The following PJVK variants were observed in gnomAD, a reference collection of about 807,000 sequenced individuals.
PJVK encodes pejvakin, also known as autosomal recessive deafness type 59 protein.
In PJVK, 33 loss-of-function variants were observed where a neutral mutation model predicts 37.6. The ratio of observed to expected loss-of-function variants is 0.88; its 90% CI spans 0.67 to 1.17. The LOEUF (loss-of-function observed/expected upper bound fraction) is 1.17, where lower values mean the gene tolerates loss of function less well. Among genes scored for constraint, PJVK ranks in the 50% most tolerant of loss-of-function variants. PJVK has a pLI of 0.00. For missense variants in PJVK, 410 were observed against 413.8 expected (o/e 0.99, Z 0.08); for synonymous variants, 141 against 143.5 (o/e 0.98, Z 0.13).
Position 178,456,108 on chromosome 2 carries a change from G to A in PJVK, c.506G>A (p.Cys169Tyr). 2 of 1,614,124 alleles carry A rather than the reference G, an allele frequency of 1.2e-6. No homozygotes were observed. The highest frequency in any genetic ancestry group is 2.2e-5 in the East Asian group (1 of 44,876). The change falls in exon 4 of 7, where the codon TGC becomes TAC. Residue 169 changes from cysteine to tyrosine, a missense_variant. Physicochemically the swap from Cys to Tyr is radical, Grantham distance 194 (BLOSUM62 -2). Transcript: ENST00000644580. ...VMESIRTTRQ[C>Y]SLSVHAGIRG... ...GAGAGCATCCGAACCACACGACAGT[G>A]CTCACTGTCTGTGCATGCTGGAATT...
At position 178,453,479 on chromosome 2, in the gene PJVK, A is replaced by G; in HGVS notation, c.70A>G (p.Ser24Gly). Residue 24 changes from serine to glycine, a missense_variant, in exon 2 of 7, where the codon AGC (serine) becomes GGC (glycine). By Grantham distance (56) the Ser-to-Gly change is moderately conservative. Transcript: ENST00000644580. ...GDGGRLVPVP[S>G]LSEADKYQPL... Reference sequence around the variant, plus strand: ...TGGAGGGAGATTAGTTCCTGTTCCAAGCCTCAGTGAAGCTGACAAATATCA... The same window carrying G: ...TGGAGGGAGATTAGTTCCTGTTCCAGGCCTCAGTGAAGCTGACAAATATCA... 6.2e-7 allele frequency: 1 copy of G among 1,614,178 alleles called. No individual in the cohort carries two copies. The highest frequency in any genetic ancestry group is 1.7e-5 in the Admixed American group (1 of 60,030).
Position 178,451,785 on chromosome 2 carries a change from C to G in PJVK, c.-23+16C>G. 1 of 985,416 alleles carries G rather than the reference C, an allele frequency of 1.0e-6. No individual in the cohort carries two copies. The allele number at this position is 985,416 out of a possible 1,614,324, so 61.0% of individuals were successfully genotyped here. A position where few individuals can be genotyped will look rare whatever the true frequency, so the allele number is the denominator to read the frequency against. On this transcript the variant is annotated intron_variant, in intron 1 of 6. Transcript: ENST00000644580. ...GGAACGCTGGGTCAGTGCATCCCAG[C>G]AAAACACGTTAGGAGTAAACGAAGG... is the stretch of plus-strand genomic sequence containing the variant.
chr2:178,461,584 C>CTTTTTTTTTT lies in PJVK; in HGVS notation c.*319_*328dup, dbSNP rs536141412. On this transcript the variant is annotated 3_prime_UTR_variant, in exon 7 of 7. Coordinates refer to ENST00000644580, the MANE Select transcript of PJVK (RefSeq NM_001042702.5). ...GATGTAGTCTATCATTTTAGTTCAC[C>CTTTTTTTTTT]TTTTTTTTTTTTTTTTTTGAGACAG... is the stretch of plus-strand genomic sequence containing the variant. 3.3e-5 allele frequency among the ~76,000 whole-genome samples: 4 copies of CTTTTTTTTTT among 122,800 alleles called. 1 individual carries two copies. The highest frequency in any genetic ancestry group is 5.5e-4 in the East Asian group (2 of 3,656). 80.6% of individuals were successfully genotyped at this position (122,800 alleles called of 152,430 possible). A position where few individuals can be genotyped will look rare whatever the true frequency, so the allele number is the denominator to read the frequency against.
At chr2:178,454,922 A>G (rs1559367447) in intron 3 of PJVK, 1 of 902,232 alleles carries the variant, frequency 1.1e-6, no homozygotes, top group East Asian at 2.4e-5. Context: ...AGCCCAACCT[A>G]GGCAACAGGG....
intron 3 of PJVK, chr2:178,454,869 G>A (rs994696620): frequency 4.0e-6 from 4 of 1,001,748 alleles, no homozygotes; most frequent in Non-Finnish European, 6.4e-6. Flanking sequence ...GAAGACTGAG[G>A]AAGATGAGGA....
At chr2:178,451,809 G>C in intron 1 of PJVK, 40 bp downstream of exon 1, 1 of 985,442 alleles carries the variant, frequency 1.0e-6, no homozygotes, top group Non-Finnish European at 1.2e-6. Flanking sequence ...AGTAAACGAA[G>C]GCCTTTCCGG....
chr2:178,457,333 C>A (rs1006609371), intron 4 of PJVK, among the ~76,000 whole-genome samples: 10 of 152,226 alleles, frequency 6.6e-5, no homozygotes, highest in African/African-American at 2.4e-4. Flanking sequence ...AAAATATTAG[C>A]GGCAAGGTGC....
chr2:178,457,584 T>TGGTCCCTCCCACC (rs113195419), intron 4 of PJVK, among the ~76,000 whole-genome samples: 54,654 of 152,104 alleles, frequency 0.36, 11,159 homozygotes, highest in East Asian at 0.65. Flanking sequence ...TGAAAAGCCG[T>TGGTCCCTCCCACC]GCTTTTGTGC....
chr2:178,453,978 A>G (rs560252723), intron 2 of PJVK: 31 of 315,104 alleles, frequency 9.8e-5, no homozygotes, highest in African/African-American at 5.3e-4. Flanking sequence ...TTACAATTCA[A>G]TTATTACAAT....
Position 178,454,525 on chromosome 2 carries a change from A to C in PJVK, c.405A>C (p.Thr135=), listed in dbSNP as rs373800401. 195 of 1,612,778 alleles carry C rather than the reference A, an allele frequency of 1.2e-4. No individual in the cohort carries two copies. The highest frequency in any genetic ancestry group is 1.6e-4 in the Non-Finnish European group (184 of 1,179,422). ...EVSTLLKEIT[T]RKINFDHSLI... ...CAACATTACTCAAAGAAATTACTAC[A>C]CGGTCAGTATAATAATCCTAATATA... The change falls in exon 3 of 7, where the codon ACA becomes ACC. Residue 135 remains threonine (T), a splice_region_variant and synonymous_variant. Transcript: ENST00000644580.
In PJVK at chr2:178,454,318, T is replaced by G. The variant is rs1307206051; in HGVS notation, c.212-14T>G. On this transcript the variant is annotated splice_polypyrimidine_tract_variant and intron_variant, in intron 2 of 6. Transcript: ENST00000644580. ...TAAAGATGTTTAAAAAATACTGAGT[T>G]TCTTCTTATAAAGGTATTTCATCTT... 1 of 1,601,904 alleles carries G rather than the reference T, an allele frequency of 6.2e-7. No individual in the cohort carries two copies. The highest frequency in any genetic ancestry group is 1.3e-5 in the African/African-American group (1 of 74,654).
chr2:178,453,208 C>T (rs1359105182), intron 1 of PJVK, 180 bp from the exon 2 acceptor site: 5 of 564,746 alleles, frequency 8.9e-6, no homozygotes, highest in African/African-American at 3.8e-5. Context: ...CATTTTACAC[C>T]GTTGATCTAT....
rs367688416 is a variant in PJVK, at chr2:178,454,526, C to T, written c.406C>T (p.Arg136Ter). The change falls in exon 3 of 7, where the codon CGA (arginine) becomes TGA (stop). Residue 136 changes from arginine to a stop codon, truncating the protein, a stop_gained and splice_region_variant. Coordinates refer to ENST00000644580, the MANE Select transcript of PJVK (RefSeq NM_001042702.5). LOFTEE classifies it high-confidence loss of function. ...AACATTACTCAAAGAAATTACTACA[C>T]GGTCAGTATAATAATCCTAATATAT... ...VSTLLKEITT[R>*]KINFDHSLIR... The T allele has an allele frequency of 1.3e-5, 21 of 1,612,334 alleles. No individual in the cohort carries two copies. The highest frequency in any genetic ancestry group is 2.7e-5 in the African/African-American group (2 of 74,832).
chr2:178,454,964 C>T lies in PJVK; in HGVS notation c.407+437C>T. On this transcript the variant is annotated intron_variant, in intron 3 of 6. Coordinates refer to ENST00000644580, the MANE Select transcript of PJVK (RefSeq NM_001042702.5). Reference sequence around the variant, plus strand: ...TGCCTGATTACCGCTGGACCAAGACCCTGTCGGAGCTGGACCTGGCGGTCC... The same window carrying T: ...TGCCTGATTACCGCTGGACCAAGACTCTGTCGGAGCTGGACCTGGCGGTCC... The T allele has an allele frequency of 8.6e-6, 8 of 931,596 alleles. No homozygotes were observed. The South Asian group carries it at 1.0e-4, about 12-fold the overall frequency. 57.7% of individuals were successfully genotyped at this position (931,596 alleles called of 1,614,324 possible).
Position 178,453,465 on chromosome 2 carries a change from T to C in PJVK, c.56T>C (p.Leu19Ser). 3 of 1,614,166 alleles carry C rather than the reference T, an allele frequency of 1.9e-6. No homozygotes were observed. Among genetic ancestry groups the C allele is most frequent in the Non-Finnish European group, 2.5e-6 (3 of 1,180,012 alleles). The change falls in exon 2 of 7, where the codon TTA (leucine) becomes TCA (serine). Residue 19 changes from leucine (L) to serine (S), a missense_variant. Transcript: ENST00000644580. ...FVKQVGDGGR[L>S]VPVPSLSEAD... Reference sequence around the variant, plus strand: ...AAGCAAGTTGGAGATGGAGGGAGATTAGTTCCTGTTCCAAGCCTCAGTGAA... The same window carrying C: ...AAGCAAGTTGGAGATGGAGGGAGATCAGTTCCTGTTCCAAGCCTCAGTGAA...
intron 4 of PJVK, 30 bp downstream of exon 4, chr2:178,456,181 A>C: frequency 6.2e-7 from 1 of 1,610,864 alleles, no homozygotes; most frequent in Non-Finnish European, 8.5e-7. Context: ...TTCTCTTACT[A>C]ACTAAAGTGT....
At position 178,454,382 on chromosome 2, in the gene PJVK, C is replaced by G. The variant is rs1559366758; in HGVS notation, c.262C>G (p.Leu88Val). 8 of 1,613,848 alleles carry G rather than the reference C, an allele frequency of 5.0e-6. No individual in the cohort carries two copies. The East Asian group carries it at 1.8e-4, about 36-fold the overall frequency. ...LNYEDESDVS[L>V]YGRRGNHIVN... is the part of the protein sequence containing the mutation. The stretch of plus-strand genomic sequence containing the variant: ...TTATGAAGATGAATCAGATGTTTCA[C>G]TCTATGGAAGGCGAGGTAACCATAT... The change falls in exon 3 of 7, where the codon CTC (leucine) becomes GTC (valine). Residue 88 changes from leucine to valine, a missense_variant. Leu to Val is a conservative substitution (Grantham distance 32). Coordinates refer to ENST00000644580, the MANE Select transcript of PJVK (RefSeq NM_001042702.5).
chr2:178,460,899 T>G, intron 6 of PJVK, 83 bp from the exon 7 acceptor site: 1 of 1,244,136 alleles, frequency 8.0e-7, no homozygotes, highest in Non-Finnish European at 1.2e-6. Flanking sequence ...ACTAGTGGAT[T>G]CACATATTTA....
chr2:178,453,860 C>G (rs757232860), intron 2 of PJVK: 16 of 444,788 alleles, frequency 3.6e-5, no homozygotes, highest in Admixed American at 2.3e-4. Flanking sequence ...TTGTTTTAAC[C>G]AAATCAACTT....
Sources: allele counts gnomAD v4.1 joint callset (sites outside exome capture counted in the v4.1 genomes callset), GRCh38; gene constraint gnomAD v4.1.1; transcripts MANE v1.5; gene names NCBI Gene and HGNC (gene_info 2026-07-23, HGNC 2026-07-21).